The following NECTIN1 variants were observed in gnomAD, a reference collection of about 807,000 sequenced individuals.
The protein encoded by NECTIN1 is nectin-1.
NECTIN1 carries 23 observed loss-of-function variants against 48.0 expected under a neutral mutation model. The observed-to-expected ratio is 0.48, with a 90% CI of 0.34 to 0.68. The LOEUF (loss-of-function observed/expected upper bound fraction) is 0.68. Among genes scored for constraint, NECTIN1 ranks in the 30% least tolerant of loss-of-function variants. The pLI, the probability that NECTIN1 is intolerant of heterozygous loss-of-function variation, is 0.01. For synonymous variants in NECTIN1, 270 were observed against 288.9 expected, an observed-to-expected ratio of 0.93 and a Z score of 0.66; for missense variants, 591 against 709.9, an observed-to-expected ratio of 0.83 and a Z score of 1.90.
In NECTIN1 at chr11:119,678,564, C is replaced by A. The variant is rs370390168; in HGVS notation, c.281G>T (p.Arg94Leu). 4.3e-6 allele frequency: 7 copies of A among 1,614,206 alleles called. No homozygotes were observed. The highest frequency in any genetic ancestry group is 3.3e-5 in the Admixed American group (2 of 60,032). Residue 94 changes from arginine to leucine, a missense_variant, in exon 2 of 6, where the codon CGC becomes CTC. Coordinates refer to ENST00000264025, the MANE Select transcript of NECTIN1 (RefSeq NM_002855.5). The surrounding 1 kb of genome is among the most constrained non-coding windows in gnomAD (Gnocchi z 4.4). ...GGGCCGCAGGAATTCCACACGCTCG[C>A]GGTAGGGAGCCAGCACGGACACGCC... The part of the protein sequence containing the change: ...SMGVSVLAPY[R>L]ERVEFLRPSF...
chr11:119,640,131 A>G (rs573059971), intron 5 of NECTIN1: 16 of 1,112,988 alleles, frequency 1.4e-5, no homozygotes, highest in Non-Finnish European at 2.1e-5. Context: ...TTGCACCCCC[A>G]GCTCCCCTCC....
intron 5 of NECTIN1, among the ~76,000 whole-genome samples, chr11:119,644,899 T>C (rs565317660): frequency 6.6e-6 from 1 of 152,268 alleles, no homozygotes; most frequent in East Asian, 1.9e-4. Flanking sequence ...TTTAGATTTC[T>C]AATAGGTGAT....
downstream of NECTIN1, chr11:119,660,977 T>C (rs1864652683): frequency 1.0e-6 from 1 of 969,656 alleles, no homozygotes; most frequent in Non-Finnish European, 1.2e-6. Flanking sequence ...AGGGCAGTGA[T>C]GGGATGCAAA....
intron 5 of NECTIN1, among the ~76,000 whole-genome samples, chr11:119,649,965 T>G (rs949097225): frequency 7.9e-5 from 12 of 152,032 alleles, no homozygotes; most frequent in African/African-American, 2.7e-4. Context: ...TTCACCTGGG[T>G]GCAGGAGGGC....
intron 1 of NECTIN1, among the ~76,000 whole-genome samples, chr11:119,688,899 G>A (rs1365042605): frequency 6.6e-6 from 1 of 151,870 alleles, no homozygotes; most frequent in Non-Finnish European, 1.5e-5. Flanking sequence ...AGTGGCATGT[G>A]TGTCCTCAGA....
chr11:119,664,951 C>T lies in NECTIN1; in HGVS notation c.1350G>A (p.Glu450=), dbSNP rs1487441973. 6.2e-7 allele frequency: 1 copy of T among 1,613,536 alleles called. No individual in the cohort carries two copies. The change falls in exon 6 of 6, where the codon GAG becomes GAA. Residue 450 remains glutamate (E), a synonymous_variant. Transcript: ENST00000264025. The stretch of plus-strand genomic sequence containing the variant: ...TGGGGTGGGGGCCGCCCACCTTGCG[C>T]TCGCCCCCTCCACCGCCCTCCTCCT... The part of the protein sequence containing the change: ...EEEEEGGGGG[E]RKVGGPHPKY...
At position 119,662,409 on chromosome 11, in the gene NECTIN1, G is replaced by A; in HGVS notation, c.*2338C>T. ...TGAGGCTGGGCCCCTGGCAAGTCAGGAGCCTCCTACGTGGCCCATGCTACA... is the reference window on the plus strand; with the variant it reads ...TGAGGCTGGGCCCCTGGCAAGTCAGAAGCCTCCTACGTGGCCCATGCTACA... On this transcript the variant is annotated 3_prime_UTR_variant, in exon 6 of 6. Transcript: ENST00000264025. The surrounding 1 kb of genome is among the most constrained non-coding windows in gnomAD (Gnocchi z 5.3). 1.0e-6 allele frequency: 1 copy of A among 985,790 alleles called. No homozygotes were observed. Among genetic ancestry groups the A allele is most frequent in the South Asian group, 4.7e-5 (1 of 21,284 alleles). 61.1% of individuals were successfully genotyped at this position (985,790 alleles called of 1,614,324 possible).
chr11:119,640,318 C>T, intron 5 of NECTIN1: 1 of 437,134 alleles, frequency 2.3e-6, no homozygotes, highest in Non-Finnish European at 4.2e-6. Flanking sequence ...GATGGGGTCC[C>T]CACCCCGTCA....
intron 5 of NECTIN1, among the ~76,000 whole-genome samples, chr11:119,667,294 C>T (rs542814792): frequency 1.9e-3 from 291 of 152,342 alleles, no homozygotes; most frequent in Non-Finnish European, 3.7e-3. Context: ...CCCCCCTCCT[C>T]GGTTCTCACC....
Position 119,665,044 on chromosome 11 carries a change from G to C in NECTIN1, c.1257C>G (p.Pro419=). 1 of 1,613,864 alleles carries C rather than the reference G, an allele frequency of 6.2e-7. No homozygotes were observed. Among genetic ancestry groups the C allele is most frequent in the Non-Finnish European group, 8.5e-7 (1 of 1,179,928 alleles). ...CCTTCTTCTCGTCGTCTGAGTCGTC[G>C]GGGTACTGCAGGTTCTGTGCCATTG... ...HPPMAQNLQY[P]DDSDDEKKAG... The change falls in exon 6 of 6, where the codon CCC becomes CCG. Residue 419 remains proline (P), a synonymous_variant. Coordinates refer to ENST00000264025, the MANE Select transcript of NECTIN1 (RefSeq NM_002855.5). The surrounding 1 kb of genome is among the most constrained non-coding windows in gnomAD (Gnocchi z 5.1).
At chr11:119,714,749 G>T (rs1865718773) in intron 1 of NECTIN1, among the ~76,000 whole-genome samples, 1 of 147,578 alleles carries the variant, frequency 6.8e-6, no homozygotes, top group East Asian at 1.9e-4. Context: ...GAAAACAGGG[G>T]TGGGAAGGGG....
At chr11:119,646,864 A>G (rs1346911461) in intron 5 of NECTIN1, among the ~76,000 whole-genome samples, 1 of 152,250 alleles carries the variant, frequency 6.6e-6, no homozygotes. Context: ...GAAATGAAAT[A>G]AGAGCAGGAC....
At chr11:119,717,148 G>A (rs1480936460) in intron 1 of NECTIN1, among the ~76,000 whole-genome samples, 1 of 152,204 alleles carries the variant, frequency 6.6e-6, no homozygotes, top group East Asian at 1.9e-4. Flanking sequence ...GGTGGGCGCC[G>A]AGGACTGATG....
chr11:119,727,569 C>T lies in NECTIN1; in HGVS notation c.79+906G>A, dbSNP rs1312721832. ...AGGCGAGGGGACTCGGTCGGATTTG[C>T]CTCCTAAACGCATTTTCCAGTTCAT... is the stretch of plus-strand genomic sequence containing the variant. On this transcript the variant is annotated intron_variant, in intron 1 of 5. Transcript: ENST00000264025. This position sits in a 1 kb window ranked among gnomAD's most constrained non-coding sequence, Gnocchi z 4.1. Among the ~76,000 whole-genome samples the T allele has an allele frequency of 4.6e-5, 7 of 152,176 alleles. 1 individual carries two copies. Among genetic ancestry groups the T allele is most frequent in the Admixed American group, 4.6e-4 (7 of 15,288 alleles).
intron 1 of NECTIN1, among the ~76,000 whole-genome samples, chr11:119,703,374 A>G (rs1865488729): frequency 1.3e-5 from 2 of 152,242 alleles, no homozygotes. Flanking sequence ...AGCAAGGGGC[A>G]GTCAGGCATC....
intron 1 of NECTIN1, among the ~76,000 whole-genome samples, chr11:119,694,025 A>G (rs7124922): frequency 0.011 from 1,667 of 152,318 alleles, 25 homozygotes; most frequent in African/African-American, 0.038. Context: ...TATAAACAGG[A>G]AAGTCAAAGG....
intron 5 of NECTIN1, among the ~76,000 whole-genome samples, chr11:119,668,149 A>G (rs1864805732): frequency 6.6e-6 from 1 of 152,006 alleles, no homozygotes; most frequent in Non-Finnish European, 1.5e-5. Context: ...TGGAATTCTC[A>G]CCACCACTTC....
chr11:119,690,759 G>A (rs1865239309), intron 1 of NECTIN1, among the ~76,000 whole-genome samples: 1 of 152,212 alleles, frequency 6.6e-6, no homozygotes, highest in African/African-American at 2.4e-5. Context: ...TCTGGGTGGG[G>A]CCTGGGGTGG....
At chr11:119,685,183 G>A (rs1344925179) in intron 1 of NECTIN1, among the ~76,000 whole-genome samples, 1 of 152,234 alleles carries the variant, frequency 6.6e-6, no homozygotes, top group African/African-American at 2.4e-5. Flanking sequence ...AACATCCCAT[G>A]AGCCCACAGT....
Sources: allele counts gnomAD v4.1 joint callset (sites outside exome capture counted in the v4.1 genomes callset), GRCh38; gene constraint gnomAD v4.1.1; non-coding constraint Gnocchi (gnomAD v3.1); transcripts MANE v1.5; gene names NCBI Gene and HGNC (gene_info 2026-07-23, HGNC 2026-07-21).